Variants in AP3S1 observed in about 807,000 individuals in gnomAD.
AP3S1 encodes the protein adaptor related protein complex 3 subunit sigma 1, also known as AP-3 complex subunit sigma-1.
Under a neutral mutation model 21.3 loss-of-function variants are expected in AP3S1, and 12 were observed. The ratio of observed to expected loss-of-function variants is 0.56; its 90% CI spans 0.36 to 0.91. AP3S1 has a LOEUF of 0.91. AP3S1 is among the 40% of genes least tolerant of loss of function. The pLI, the probability that AP3S1 is intolerant of heterozygous loss-of-function variation, is 0.01. For missense variants in AP3S1, 116 were observed against 225.0 expected (o/e 0.52, Z 3.10); for synonymous variants, 48 against 78.4 (o/e 0.61, Z 2.05).
intron 1 of AP3S1, among the ~76,000 whole-genome samples, chr5:115,849,555 T>A (rs558559155): frequency 6.6e-5 from 10 of 152,308 alleles, no homozygotes; most frequent in African/African-American, 2.4e-4. Context: ...ATGCCCCTTC[T>A]TGACATAATT....
chr5:115,894,060 G>A (rs980775895), intron 3 of AP3S1, among the ~76,000 whole-genome samples: 7 of 152,250 alleles, frequency 4.6e-5, no homozygotes, highest in African/African-American at 1.7e-4. Context: ...GGATGCACTG[G>A]ACTCAGAAGT....
chr5:115,903,824 T>A (rs1751418314), intron 5 of AP3S1: 1 of 151,992 alleles, frequency 6.6e-6, no homozygotes, highest in African/African-American at 2.4e-5. Context: ...CTAGCAGAGG[T>A]TTAGAAAGAT....
In AP3S1 at chr5:115,913,383, G is replaced by C; in HGVS notation, c.475G>C (p.Ala159Pro). 6.2e-7 allele frequency: 1 copy of C among 1,613,934 alleles called. No individual in the cohort carries two copies. The highest frequency in any genetic ancestry group is 8.5e-7 in the Non-Finnish European group (1 of 1,179,814). ...KSEAGLAGAP[A>P]RAVSAVKNMN... is the part of the protein sequence containing the mutation. ...ACAGGCTGGCTTAGCAGGAGCTCCA[G>C]CCCGTGCTGTATCAGCTGTAAAGAA... The change falls in exon 6 of 6, where the codon GCC becomes CCC. Residue 159 changes from alanine (A) to proline (P), a missense_variant. Ala to Pro is a conservative substitution (Grantham distance 27, BLOSUM62 -1). Coordinates refer to ENST00000316788, the MANE Select transcript of AP3S1 (RefSeq NM_001284.4).
intron 5 of AP3S1, among the ~76,000 whole-genome samples, chr5:115,910,128 G>A (rs185641368): frequency 1.6e-4 from 24 of 152,066 alleles, no homozygotes; most frequent in Middle Eastern, 3.4e-3. Flanking sequence ...TTAGCTAGGC[G>A]TGGTGGGACA....
intron 3 of AP3S1, among the ~76,000 whole-genome samples, chr5:115,880,956 C>G (rs1342038266): frequency 2.0e-5 from 3 of 151,886 alleles, no homozygotes; most frequent in African/African-American, 7.3e-5. Context: ...ATGTGATGCC[C>G]TTCTTTGTCT....
chr5:115,881,338 G>A (rs61671530), intron 3 of AP3S1, among the ~76,000 whole-genome samples: 1,754 of 152,186 alleles, frequency 0.012, 44 homozygotes, highest in African/African-American at 0.04. Flanking sequence ...GGCTGGTACC[G>A]GTTTTTCCTT....
chr5:115,848,130 C>T (rs192080894), intron 1 of AP3S1, among the ~76,000 whole-genome samples: 10 of 142,676 alleles, frequency 7.0e-5, no homozygotes, highest in Non-Finnish European at 1.1e-4. Flanking sequence ...GAAGGCCTTA[C>T]GTGACGTACC....
intron 2 of AP3S1, among the ~76,000 whole-genome samples, chr5:115,868,999 C>A (rs1747980825): frequency 2.2e-5 from 3 of 136,414 alleles, no homozygotes; most frequent in Admixed American, 7.6e-5. Flanking sequence ...TGCCATTTTC[C>A]CATATTCTGT....
intron 1 of AP3S1, among the ~76,000 whole-genome samples, chr5:115,863,171 G>A (rs1053578133): frequency 3.9e-5 from 6 of 152,024 alleles, no homozygotes; most frequent in South Asian, 2.1e-4. Flanking sequence ...AGACCGAGGC[G>A]GGTGGATCAC....
intron 3 of AP3S1, among the ~76,000 whole-genome samples, chr5:115,888,742 A>G (rs1480891242): frequency 6.6e-6 from 1 of 151,906 alleles, no homozygotes; most frequent in Admixed American, 6.6e-5. Flanking sequence ...TTCCTTTTAT[A>G]TCAGTATTTA....
chr5:115,899,557 A>C lies in AP3S1; in HGVS notation c.346-3328A>C, dbSNP rs528738645. 2.4e-4 allele frequency among the ~76,000 whole-genome samples: 37 copies of C among 152,288 alleles called. No individual in the cohort carries two copies. The South Asian group carries it at 7.5e-3, about 31-fold the overall frequency. On this transcript the variant is annotated intron_variant, in intron 4 of 5. Coordinates refer to ENST00000316788, the MANE Select transcript of AP3S1 (RefSeq NM_001284.4). Reference sequence around the variant, plus strand: ...CCTGCCTTGGCCTCCCAAAGCATTGAGATTACAGGTGTGAGCCACCACCTG... The same window carrying C: ...CCTGCCTTGGCCTCCCAAAGCATTGCGATTACAGGTGTGAGCCACCACCTG...
chr5:115,883,766 C>T (rs1749521751), intron 3 of AP3S1, among the ~76,000 whole-genome samples: 2 of 152,128 alleles, frequency 1.3e-5, no homozygotes, highest in Non-Finnish European at 1.5e-5. Flanking sequence ...GGCGAAATAC[C>T]ATTTTAAAAA....
intron 1 of AP3S1, among the ~76,000 whole-genome samples, chr5:115,854,514 C>T (rs934167315): frequency 3.9e-5 from 6 of 152,142 alleles, no homozygotes; most frequent in Non-Finnish European, 7.3e-5. Context: ...TCTTTGCACA[C>T]TCTGGCTGAA....
intron 4 of AP3S1, among the ~76,000 whole-genome samples, chr5:115,896,011 G>T (rs528189431): frequency 6.6e-6 from 1 of 152,066 alleles, no homozygotes; most frequent in Non-Finnish European, 1.5e-5. Flanking sequence ...ATTTTTTTCT[G>T]TATTAGGTTT....
At chr5:115,862,454 T>G (rs1763268772) in intron 1 of AP3S1, among the ~76,000 whole-genome samples, 1 of 152,246 alleles carries the variant, frequency 6.6e-6, no homozygotes, top group African/African-American at 2.4e-5. Context: ...TCAAAATTTA[T>G]GCAAACACGT....
intron 3 of AP3S1, among the ~76,000 whole-genome samples, chr5:115,875,510 G>A (rs1418713695): frequency 1.3e-5 from 2 of 152,128 alleles, no homozygotes; most frequent in East Asian, 1.9e-4. Context: ...GGTACCACCT[G>A]TTTTTTAAAA....
In AP3S1 at chr5:115,913,852, G is replaced by A. The variant is rs191474647; in HGVS notation, c.*362G>A. On this transcript the variant is annotated 3_prime_UTR_variant, in exon 6 of 6. Coordinates refer to ENST00000316788, the MANE Select transcript of AP3S1 (RefSeq NM_001284.4). ...TGTTGGTGTTTTGTATGGATCACAA[G>A]TGCAGCATTCCTTAATTCCTTCTGC... 3.0e-3 allele frequency: 525 copies of A among 175,986 alleles called. No homozygotes were observed. Among genetic ancestry groups the A allele is most frequent in the African/African-American group, 0.012 (495 of 42,328 alleles). 10.9% of individuals were successfully genotyped at this position (175,986 alleles called of 1,614,324 possible).
At chr5:115,854,888 G>A (rs1561476174) in intron 1 of AP3S1, among the ~76,000 whole-genome samples, 1 of 151,846 alleles carries the variant, frequency 6.6e-6, no homozygotes, top group East Asian at 1.9e-4. Flanking sequence ...CAAAATCATT[G>A]TTCCTCTTGA....
At position 115,866,192 on chromosome 5, in the gene AP3S1, G is replaced by A. The variant is rs75105149; in HGVS notation, c.70-478G>A. On this transcript the variant is annotated intron_variant, in intron 1 of 5. Transcript: ENST00000316788. ...GCTTTAGATCGGCTTATATAAAGAT[G>A]AGTAAGATGGATGGACTCTTACCTC... Among the ~76,000 whole-genome samples the A allele has an allele frequency of 2.3e-3, 343 of 152,328 alleles. 1 individual carries two copies. Among genetic ancestry groups the A allele is most frequent in the African/African-American group, 7.6e-3 (314 of 41,574 alleles).
Sources: allele counts gnomAD v4.1 joint callset (sites outside exome capture counted in the v4.1 genomes callset), GRCh38; gene constraint gnomAD v4.1.1; transcripts MANE v1.5; gene names NCBI Gene and HGNC (gene_info 2026-07-23, HGNC 2026-07-21).